The following GRHPR variants were observed in gnomAD, a reference collection of about 807,000 sequenced individuals.
The protein encoded by GRHPR is glyoxylate reductase/hydroxypyruvate reductase.
In GRHPR, 35 loss-of-function variants were observed where a neutral mutation model predicts 36.8. The observed-to-expected ratio is 0.95, with a 90% CI of 0.73 to 1.26. The LOEUF (loss-of-function observed/expected upper bound fraction) is 1.26, where lower values mean the gene tolerates loss of function less well. Among genes scored for constraint, GRHPR ranks in the 50% most tolerant of loss-of-function variants. GRHPR has a pLI of 0.00. For synonymous variants in GRHPR, 179 were observed against 181.0 expected, an observed-to-expected ratio of 0.99 and a Z score of 0.09; for missense variants, 380 against 435.0, an observed-to-expected ratio of 0.87 and a Z score of 1.12.
chr9:37,433,836 TGTCCGGGCCA>T (rs371477645), intron 8 of GRHPR: 1 of 385,424 alleles, frequency 2.6e-6, no homozygotes, highest in Non-Finnish European at 4.6e-6. Flanking sequence ...GGCCTTAGGT[TGTCCGGGCCA>T]GTCTCTGCCC....
chr9:37,431,422 G>A (rs1823361132), intron 7 of GRHPR: 2 of 278,194 alleles, frequency 7.2e-6, no homozygotes, highest in Non-Finnish European at 1.4e-5. Context: ...GACAGCCCAG[G>A]ACCGTGTATT....
chr9:37,428,852 C>A, intron 5 of GRHPR: 1 of 560,820 alleles, frequency 1.8e-6, no homozygotes, highest in Non-Finnish European at 3.3e-6. Flanking sequence ...ATGAAGACTA[C>A]AAATGTGTTG....
At chr9:37,422,518 C>A, upstream of GRHPR, 2 of 535,496 alleles carry the variant, frequency 3.7e-6, no homozygotes, top group South Asian at 2.2e-5. Context: ...ACGAGGCGCA[C>A]CCCCCCACAC....
intron 8 of GRHPR, chr9:37,434,344 G>A: frequency 2.1e-6 from 1 of 476,686 alleles, no homozygotes; most frequent in Admixed American, 3.1e-5. Flanking sequence ...TTGGGGGAAG[G>A]GCCAGCGGCC....
At chr9:37,437,961 G>A (rs528354441), downstream of GRHPR, among the ~76,000 whole-genome samples, 205 of 152,300 alleles carry the variant, frequency 1.3e-3, no homozygotes, top group African/African-American at 4.8e-3. Context: ...GAAGGCAGAA[G>A]GGAATGATTT....
intron 1 of GRHPR, among the ~76,000 whole-genome samples, chr9:37,424,637 T>C (rs945225674): frequency 3.9e-5 from 6 of 152,210 alleles, no homozygotes; most frequent in African/African-American, 1.2e-4. Context: ...CCTTGCAGCT[T>C]AGGCTCTGCT....
intron 1 of GRHPR, among the ~76,000 whole-genome samples, 185 bp from the exon 2 acceptor site, chr9:37,424,660 A>G (rs1167778760): frequency 6.6e-6 from 1 of 152,076 alleles, no homozygotes; most frequent in Non-Finnish European, 1.5e-5. Context: ...GGGGCCCCTC[A>G]GCCCTTCACC....
chr9:37,429,981 G>GC (rs1564300521), intron 6 of GRHPR, 145 bp downstream of exon 6: 2 of 692,456 alleles, frequency 2.9e-6, no homozygotes, highest in African/African-American at 3.5e-5. Flanking sequence ...TAATCTACCT[G>GC]CCCCTGGACA....
At chr9:37,433,723 C>G (rs1255989537) in intron 8 of GRHPR, 1 of 188,826 alleles carries the variant, frequency 5.3e-6, no homozygotes, top group African/African-American at 2.3e-5. Context: ...TTTTTGTTAC[C>G]TGCTCAGTGA....
At chr9:37,425,781 CAG>C (rs1401591446) in intron 2 of GRHPR, 139 bp from the exon 3 acceptor site, 2 of 667,252 alleles carry the variant, frequency 3.0e-6, no homozygotes, top group Admixed American at 2.2e-5. Flanking sequence ...GGGGATTATT[CAG>C]AGTTTTAACT....
Position 37,422,842 on chromosome 9 carries a change from C to T in GRHPR, c.83+9C>T. The T allele has an allele frequency of 6.3e-7, 1 of 1,579,894 alleles. No individual in the cohort carries two copies. Among genetic ancestry groups the T allele is most frequent in the Non-Finnish European group, 8.6e-7 (1 of 1,163,508 alleles). Reference sequence around the variant, plus strand: ...CTCGCCCGGGCGGCAGAGTAAGAGCCTCGCGCGCCGTGGAGGAGGGAGCAG... The same window carrying T: ...CTCGCCCGGGCGGCAGAGTAAGAGCTTCGCGCGCCGTGGAGGAGGGAGCAG... On this transcript the variant is annotated intron_variant, in intron 1 of 8. Coordinates refer to ENST00000318158, the MANE Select transcript of GRHPR (RefSeq NM_012203.2).
chr9:37,431,788 T>G, intron 7 of GRHPR: 1 of 518,878 alleles, frequency 1.9e-6, no homozygotes, highest in Non-Finnish European at 3.5e-6. Flanking sequence ...GCACAGAGAA[T>G]TTGAGACACT....
intron 8 of GRHPR, chr9:37,433,851 C>T (rs1455301854): frequency 2.6e-6 from 1 of 391,610 alleles, no homozygotes; most frequent in African/African-American, 2.1e-5. Flanking sequence ...GGGCCAGTCT[C>T]TGCCCTTAAT....
chr9:37,439,481 A>G (rs1305605032), downstream of GRHPR: 1 of 152,188 alleles, frequency 6.6e-6, no homozygotes, highest in African/African-American at 2.4e-5. Flanking sequence ...CAGTAATAAA[A>G]CCTGTGTGGG....
At chr9:37,428,153 C>G in intron 4 of GRHPR, 1 of 447,432 alleles carries the variant, frequency 2.2e-6, no homozygotes, top group Non-Finnish European at 4.1e-6. Context: ...ATCATAAATC[C>G]TGAGTTTGCA....
intron 5 of GRHPR, 104 bp from the exon 6 acceptor site, chr9:37,429,628 C>G (rs779647826): frequency 4.9e-6 from 4 of 819,718 alleles, no homozygotes; most frequent in Non-Finnish European, 8.7e-6. Flanking sequence ...TCGGGCTGTG[C>G]TGATGAAAAG....
downstream of GRHPR, chr9:37,438,475 T>G (rs1823770781): frequency 6.6e-6 from 1 of 152,440 alleles, no homozygotes; most frequent in Non-Finnish European, 1.5e-5. Flanking sequence ...CATCTAGCAG[T>G]GGAGAGGCAG....
chr9:37,431,932 T>C (rs994473805), intron 7 of GRHPR, 76 bp from the exon 8 acceptor site: 2 of 1,512,446 alleles, frequency 1.3e-6, no homozygotes, highest in Non-Finnish European at 1.8e-6. Context: ...AAATTCATTC[T>C]GTAGGTTGTT....
chr9:37,428,269 C>T, intron 4 of GRHPR: 1 of 603,986 alleles, frequency 1.7e-6, no homozygotes, highest in Non-Finnish European at 3.0e-6. Context: ...AAGGCCCCTT[C>T]CCGCCCTCAA....
Sources: gnomAD v4.1 joint callset for allele counts (sites outside exome capture counted in the v4.1 genomes callset) on GRCh38, gnomAD v4.1.1 for gene constraint, MANE v1.5 for transcripts, NCBI Gene and HGNC (gene_info 2026-07-23, HGNC 2026-07-21) for gene names.